TMEM35A: variants seen among roughly 807,000 people sequenced by gnomAD.
The protein encoded by TMEM35A is nicotinic acetylcholine receptor chaperone.
For missense variants in TMEM35A, 83 were observed against 132.7 expected (o/e 0.63, Z 1.84); for synonymous variants, 50 against 54.7 (o/e 0.91, Z 0.38).
Position 101,094,559 on chromosome X carries a change from T to C in TMEM35A, c.121-14T>C, listed in dbSNP as rs776481356. 4 of 1,174,551 alleles carry C rather than the reference T, an allele frequency of 3.4e-6. No individual in the cohort carries two copies. The South Asian group carries it at 7.8e-5, about 23-fold the overall frequency. ...GGTTAATGCAGTAATTTCCTTACAA[T>C]ATTCTCACTCTAGAAACGTGCTTAC... On this transcript the variant is annotated splice_polypyrimidine_tract_variant and intron_variant, in intron 1 of 1. Coordinates refer to ENST00000372930, the MANE Select transcript of TMEM35A (RefSeq NM_021637.3).
chrX:101,090,169 C>CTTTCTTTTTTTTTTTTT (rs1556381270), intron 1 of TMEM35A, among the ~76,000 whole-genome samples: 6 of 97,503 alleles, frequency 6.2e-5, no homozygotes, highest in African/African-American at 2.6e-4. Flanking sequence ...TTCTTTCTTT[C>CTTTCTTTTTTTTTTTTT]TTTTTTTTTT....
chrX:101,081,438 G>T (rs2089291659), intron 1 of TMEM35A: 1 of 112,383 alleles, frequency 8.9e-6, no homozygotes, highest in African/African-American at 3.2e-5. Context: ...TGTATTTGTG[G>T]AGTGGTTGGG....
intron 1 of TMEM35A, among the ~76,000 whole-genome samples, chrX:101,093,849 C>T (rs1469149954): frequency 9.0e-6 from 1 of 111,101 alleles, no homozygotes; most frequent in Non-Finnish European, 1.9e-5. Flanking sequence ...GGCCCACTTT[C>T]TCTTCACAGA....
rs1447357038 is a variant in TMEM35A, at chrX:101,094,677, T to C, written c.225T>C (p.Cys75=). Residue 75 remains cysteine (C), a synonymous_variant, in exon 2 of 2, where the codon TGT becomes TGC. Coordinates refer to ENST00000372930, the MANE Select transcript of TMEM35A (RefSeq NM_021637.3). ...RKSIGALEVA[C]GIVMTLVPGR... Reference sequence around the variant, plus strand: ...GCATTGGTGCCCTTGAAGTGGCCTGTGGCATCGTCATGACCCTTGTGCCTG... The same window carrying C: ...GCATTGGTGCCCTTGAAGTGGCCTGCGGCATCGTCATGACCCTTGTGCCTG... 7 of 1,209,725 alleles carry C rather than the reference T, an allele frequency of 5.8e-6. No individual in the cohort carries two copies. The highest frequency in any genetic ancestry group is 6.7e-6 in the Non-Finnish European group (6 of 895,267).
chrX:101,079,680 G>T (rs1012254745), intron 1 of TMEM35A, among the ~76,000 whole-genome samples: 3 of 111,719 alleles, frequency 2.7e-5, no homozygotes, highest in Admixed American at 9.6e-5. Flanking sequence ...TTGAGACAAA[G>T]CATTCTTGGC....
chrX:101,093,172 C>T (rs2089328995), intron 1 of TMEM35A, among the ~76,000 whole-genome samples: 1 of 112,098 alleles, frequency 8.9e-6, no homozygotes, highest in Admixed American at 9.5e-5. Flanking sequence ...TACCTTGTTT[C>T]ATTTTGCTTA....
intron 1 of TMEM35A, among the ~76,000 whole-genome samples, chrX:101,080,429 G>A (rs1388353021): frequency 4.5e-5 from 5 of 111,728 alleles, no homozygotes; most frequent in African/African-American, 9.8e-5. Flanking sequence ...CTTCCTCACC[G>A]CAGGATCACC....
intron 1 of TMEM35A, among the ~76,000 whole-genome samples, chrX:101,092,952 C>T (rs751795038): frequency 1.4e-4 from 16 of 112,193 alleles, no homozygotes; most frequent in African/African-American, 4.5e-4. Flanking sequence ...GGATTTATCT[C>T]AATGAAATGA....
chrX:101,082,456 G>C (rs914332663), intron 1 of TMEM35A, among the ~76,000 whole-genome samples: 2 of 97,299 alleles, frequency 2.1e-5, no homozygotes, highest in African/African-American at 7.5e-5. Flanking sequence ...GGGGGAAGGA[G>C]TGCCTACCTT....
At chrX:101,087,288 C>A (rs73551045) in intron 1 of TMEM35A, among the ~76,000 whole-genome samples, 2,373 of 112,010 alleles carry the variant, frequency 0.021, 73 homozygotes, top group African/African-American at 0.074. Flanking sequence ...TATTCTACTC[C>A]ACAGGAGAAG....
chrX:101,094,661 C>T lies in TMEM35A; in HGVS notation c.209C>T (p.Ala70Val). Reference sequence around the variant, plus strand: ...ATTCTCCTCCGAAAAAGCATTGGTGCCCTTGAAGTGGCCTGTGGCATCGTC... The same window carrying T: ...ATTCTCCTCCGAAAAAGCATTGGTGTCCTTGAAGTGGCCTGTGGCATCGTC... The part of the protein sequence containing the change: ...NSILLRKSIG[A>V]LEVACGIVMT... The change falls in exon 2 of 2, where the codon GCC (alanine) becomes GTC (valine). Residue 70 changes from alanine to valine, a missense_variant. Coordinates refer to ENST00000372930, the MANE Select transcript of TMEM35A (RefSeq NM_021637.3). 8.3e-7 allele frequency: 1 copy of T among 1,211,558 alleles called. No homozygotes were observed. Among genetic ancestry groups the T allele is most frequent in the Non-Finnish European group, 1.1e-6 (1 of 895,429 alleles).
chrX:101,081,944 T>C (rs1218828371), intron 1 of TMEM35A: 1 of 110,907 alleles, frequency 9.0e-6, no homozygotes, highest in South Asian at 3.8e-4. Flanking sequence ...AGATCATTAA[T>C]GGTTAAAACT....
intron 1 of TMEM35A, chrX:101,081,691 T>C (rs1419758959): frequency 8.9e-6 from 1 of 112,274 alleles, no homozygotes; most frequent in Non-Finnish European, 1.9e-5. Context: ...AGGTTAGTCA[T>C]GTATTGACTG....
At chrX:101,090,420 G>C (rs766123607) in intron 1 of TMEM35A, among the ~76,000 whole-genome samples, 140 of 106,068 alleles carry the variant, frequency 1.3e-3, no homozygotes, top group African/African-American at 4.6e-3. Context: ...TGCCCGCCTC[G>C]GCCTCCCAAA....
chrX:101,085,083 T>G (rs2089303180), intron 1 of TMEM35A, among the ~76,000 whole-genome samples: 1 of 111,438 alleles, frequency 9.0e-6, no homozygotes, highest in Non-Finnish European at 1.9e-5. Context: ...TATCTTTTCC[T>G]TTTACCTAAT....
intron 1 of TMEM35A, among the ~76,000 whole-genome samples, chrX:101,084,439 T>G (rs947365934): frequency 2.6e-5 from 1 of 38,819 alleles, no homozygotes; most frequent in Admixed American, 4.2e-4. Context: ...TGCTTTCTTC[T>G]GCTTTCATAT....
At chrX:101,091,787 G>C (rs1450192339) in intron 1 of TMEM35A, among the ~76,000 whole-genome samples, 2 of 111,531 alleles carry the variant, frequency 1.8e-5, no homozygotes, top group Non-Finnish European at 3.8e-5. Context: ...GGCCATATTT[G>C]GTGTGTCAGG....
chrX:101,093,093 C>T (rs2148111616), intron 1 of TMEM35A, among the ~76,000 whole-genome samples: 1 of 111,204 alleles, frequency 9.0e-6, no homozygotes, highest in East Asian at 2.8e-4. Context: ...CAGCTTCGCT[C>T]TTTTCTGAAA....
intron 1 of TMEM35A, among the ~76,000 whole-genome samples, chrX:101,085,969 A>G (rs2148109525): frequency 8.9e-6 from 1 of 111,733 alleles, no homozygotes; most frequent in East Asian, 2.8e-4. Flanking sequence ...AAATTTAAAA[A>G]TAACAAAAAA....
Sources: gnomAD v4.1 joint callset for allele counts (sites outside exome capture counted in the v4.1 genomes callset) on GRCh38, gnomAD v4.1.1 for gene constraint, MANE v1.5 for transcripts, NCBI Gene and HGNC (gene_info 2026-07-23, HGNC 2026-07-21) for gene names.